Variants in MSI2 observed in about 807,000 individuals in gnomAD.
The protein encoded by MSI2 is RNA-binding protein Musashi homolog 2.
Under a neutral mutation model 45.6 loss-of-function variants are expected in MSI2, and 17 were observed. The ratio of observed to expected loss-of-function variants is 0.37; its 90% CI spans 0.26 to 0.56. The LOEUF is 0.56. Ranked by LOEUF, MSI2 falls within the 20% of genes least tolerant of loss-of-function variation. The pLI is 0.77. For missense variants in MSI2, 293 were observed against 444.2 expected, an observed-to-expected ratio of 0.66 and a Z score of 3.06; for synonymous variants, 156 against 158.2, an observed-to-expected ratio of 0.99 and a Z score of 0.11.
chr17:57,550,929 C>A (rs2087288790), intron 7 of MSI2, among the ~76,000 whole-genome samples: 2 of 152,170 alleles, frequency 1.3e-5, no homozygotes, highest in Non-Finnish European at 1.5e-5. Context: ...GAGAATTTTT[C>A]AGGAGCCATT....
chr17:57,687,068 G>A (rs1056229134), downstream of MSI2, among the ~76,000 whole-genome samples: 2 of 151,248 alleles, frequency 1.3e-5, no homozygotes, highest in Non-Finnish European at 2.9e-5. Context: ...TTATAACTGT[G>A]TACAAATTAA....
At chr17:57,289,747 T>C (rs1910246369) in intron 5 of MSI2, among the ~76,000 whole-genome samples, 1 of 152,258 alleles carries the variant, frequency 6.6e-6, no homozygotes, top group African/African-American at 2.4e-5. Context: ...TCAGTGATGC[T>C]ACTTCGGCTT....
At chr17:57,655,689 C>T (rs545924859) in intron 11 of MSI2, among the ~76,000 whole-genome samples, 23 of 152,274 alleles carry the variant, frequency 1.5e-4, no homozygotes, top group South Asian at 2.1e-4. Flanking sequence ...GCCTCTCTTA[C>T]GCTAGGATCT....
At chr17:57,525,079 C>T (rs1225471355) in intron 6 of MSI2, among the ~76,000 whole-genome samples, 1 of 152,192 alleles carries the variant, frequency 6.6e-6, no homozygotes, top group Non-Finnish European at 1.5e-5. Flanking sequence ...AATCCCTGCC[C>T]CAACTCCAGC....
At chr17:57,527,349 C>G (rs1228247437) in intron 6 of MSI2, among the ~76,000 whole-genome samples, 2 of 145,926 alleles carry the variant, frequency 1.4e-5, no homozygotes, top group Non-Finnish European at 3.0e-5. Context: ...TCACCATATG[C>G]TCGAGTGTGA....
chr17:57,302,225 A>G (rs917653504), intron 5 of MSI2, among the ~76,000 whole-genome samples: 1 of 151,900 alleles, frequency 6.6e-6, no homozygotes, highest in African/African-American at 2.4e-5. Flanking sequence ...CACCTCAAAC[A>G]TTTTTCTTTG....
chr17:57,313,987 A>G (rs1463676158), intron 5 of MSI2, among the ~76,000 whole-genome samples: 3 of 152,156 alleles, frequency 2.0e-5, no homozygotes, highest in Non-Finnish European at 4.4e-5. Flanking sequence ...GGCGGCTTCT[A>G]CAACAGAATT....
At chr17:57,561,058 C>T (rs1490462473) in intron 7 of MSI2, among the ~76,000 whole-genome samples, 3 of 152,200 alleles carry the variant, frequency 2.0e-5, no homozygotes, top group Non-Finnish European at 4.4e-5. Context: ...GCGGTGAGGT[C>T]GGTGCCCTCT....
intron 5 of MSI2, among the ~76,000 whole-genome samples, chr17:57,271,064 C>T (rs1163372250): frequency 6.6e-6 from 1 of 152,160 alleles, no homozygotes; most frequent in Non-Finnish European, 1.5e-5. Flanking sequence ...AGCTAGGGAA[C>T]AGCTGAGACA....
chr17:57,287,053 G>T (rs1404520528), intron 5 of MSI2, among the ~76,000 whole-genome samples: 1 of 149,392 alleles, frequency 6.7e-6, no homozygotes, highest in South Asian at 2.1e-4. Flanking sequence ...AATTTAAAAA[G>T]AAAGAAAAAA....
intron 6 of MSI2, among the ~76,000 whole-genome samples, chr17:57,527,197 G>T (rs533151052): frequency 6.6e-6 from 1 of 152,290 alleles, no homozygotes; most frequent in South Asian, 2.1e-4. Flanking sequence ...AAAAGTCTTA[G>T]AAAATATGGA....
chr17:57,517,650 C>T (rs921179821), intron 6 of MSI2, among the ~76,000 whole-genome samples: 3 of 152,172 alleles, frequency 2.0e-5, no homozygotes, highest in African/African-American at 7.2e-5. Context: ...CTCTCTCCCT[C>T]GGTTACCAAC....
At position 57,579,033 on chromosome 17, in the gene MSI2, G is replaced by A. The variant is rs554661505; in HGVS notation, c.455-17835G>A. 3.3e-5 allele frequency among the ~76,000 whole-genome samples: 5 copies of A among 152,236 alleles called. No individual in the cohort carries two copies. The East Asian group carries it at 5.8e-4, about 18-fold the overall frequency. ...AGATGCCTCATTGTGAGCTGGGGATGGAATTATGCATCATGAATAAAAACC... is the reference window on the plus strand; with the variant it reads ...AGATGCCTCATTGTGAGCTGGGGATAGAATTATGCATCATGAATAAAAACC... On this transcript the variant is annotated intron_variant, in intron 7 of 13. Transcript: ENST00000284073.
At chr17:57,344,709 A>G (rs891454421) in intron 5 of MSI2, among the ~76,000 whole-genome samples, 9 of 152,198 alleles carry the variant, frequency 5.9e-5, no homozygotes, top group African/African-American at 1.2e-4. Context: ...TTTGGAAATC[A>G]TGGGTTCACA....
intron 4 of MSI2, among the ~76,000 whole-genome samples, chr17:57,259,782 A>G (rs1888027522): frequency 6.6e-6 from 1 of 151,136 alleles, no homozygotes; most frequent in Non-Finnish European, 1.5e-5. Context: ...TTCAAGGCAA[A>G]TTTGGGAATT....
At chr17:57,404,045 C>A (rs1032945815) in intron 6 of MSI2, among the ~76,000 whole-genome samples, 3 of 152,166 alleles carry the variant, frequency 2.0e-5, no homozygotes, top group Non-Finnish European at 4.4e-5. Context: ...TTTTGACTCT[C>A]TTTAACCAAC....
At chr17:57,629,110 A>G (rs1468786341) in intron 10 of MSI2, 2 of 152,246 alleles carry the variant, frequency 1.3e-5, no homozygotes, top group Non-Finnish European at 2.9e-5. Context: ...AACACTAGCC[A>G]CAAAGAGCTA....
intron 8 of MSI2, chr17:57,601,862 T>C (rs938266254): frequency 6.6e-6 from 1 of 152,252 alleles, no homozygotes; most frequent in Admixed American, 6.5e-5. Flanking sequence ...TCATCTCATT[T>C]TACAGAGGGG....
At chr17:57,593,637 A>T (rs571137929) in intron 7 of MSI2, among the ~76,000 whole-genome samples, 15 of 152,316 alleles carry the variant, frequency 9.8e-5, no homozygotes, top group African/African-American at 3.6e-4. Flanking sequence ...CTTTTTCCAA[A>T]TAAGGTCACA....
Sources: allele counts gnomAD v4.1 joint callset (sites outside exome capture counted in the v4.1 genomes callset), GRCh38; gene constraint gnomAD v4.1.1; transcripts MANE v1.5; gene names NCBI Gene and HGNC (gene_info 2026-07-23, HGNC 2026-07-21).